SLC66A2: variants seen among roughly 807,000 people sequenced by gnomAD.
SLC66A2 encodes the protein PQ loop repeat containing 1.
In SLC66A2, 23 loss-of-function variants were observed where a neutral mutation model predicts 25.5. The observed-to-expected ratio is 0.90, with a 90% CI of 0.65 to 1.28. The LOEUF is 1.28. Among genes scored for constraint, SLC66A2 ranks in the 50% most tolerant of loss-of-function variants. The probability of loss-of-function intolerance (pLI) is 0.00; values close to 1 mark genes in which losing one functional copy is unlikely to be tolerated. For synonymous variants in SLC66A2, 193 were observed against 166.5 expected, an observed-to-expected ratio of 1.16 and a Z score of -1.23; for missense variants, 396 against 373.1, an observed-to-expected ratio of 1.06 and a Z score of -0.51.
Position 79,950,972 on chromosome 18 carries a change from G to C in SLC66A2, c.-46C>G. The stretch of plus-strand genomic sequence containing the variant: ...GGCTGTCACGGGCTCCGCGCCCCGC[G>C]GGCCACCGGCCGCCTGCTCATCGCC... On this transcript the variant is annotated 5_prime_UTR_variant, in exon 2 of 6. Coordinates refer to ENST00000397778, the MANE Select transcript of SLC66A2 (RefSeq NM_025078.5). 1 of 1,413,774 alleles carries C rather than the reference G, an allele frequency of 7.1e-7. No individual in the cohort carries two copies. Among genetic ancestry groups the C allele is most frequent in the South Asian group, 1.5e-5 (1 of 68,872 alleles). The allele number at this position is 1,413,774 out of a possible 1,614,324, so 87.6% of individuals were successfully genotyped here.
chr18:79,905,356 C>T (rs1356853669), intron 5 of SLC66A2, among the ~76,000 whole-genome samples: 1 of 152,248 alleles, frequency 6.6e-6, no homozygotes, highest in Non-Finnish European at 1.5e-5. Context: ...CCAGTCTCTT[C>T]CACAGACAAA....
At chr18:79,914,054 G>T (rs1031868418) in intron 5 of SLC66A2, among the ~76,000 whole-genome samples, 10 of 152,074 alleles carry the variant, frequency 6.6e-5, no homozygotes, top group Admixed American at 5.9e-4. Context: ...GATTACAGAC[G>T]CCTGCCACAC....
chr18:79,948,532 T>A (rs10853391), intron 2 of SLC66A2, among the ~76,000 whole-genome samples: 19,910 of 152,092 alleles, frequency 0.13, 1,369 homozygotes, highest in East Asian at 0.22. Context: ...GTAGAGACGG[T>A]GTCTTGCTGT....
At chr18:79,936,963 C>A (rs578059711) in intron 3 of SLC66A2, among the ~76,000 whole-genome samples, 1 of 152,146 alleles carries the variant, frequency 6.6e-6, no homozygotes, top group Non-Finnish European at 1.5e-5. Flanking sequence ...CATGAGGATG[C>A]CACATTCCAT....
Position 79,904,556 on chromosome 18 carries a change from C to A in SLC66A2, c.609-373G>T, listed in dbSNP as rs979921781. On this transcript the variant is annotated intron_variant, in intron 5 of 5. Transcript: ENST00000397778. The surrounding 1 kb of genome is among the most constrained non-coding windows in gnomAD (Gnocchi z 6.3). ...CTCGAGGCTACAGGGGACAGCAGGG[C>A]GAGCAGCTGACGTCAGGGCCCCTGG... 6.6e-6 allele frequency among the ~76,000 whole-genome samples: 1 copy of A among 152,134 alleles called. No homozygotes were observed. The highest frequency in any genetic ancestry group is 1.5e-5 in the Non-Finnish European group (1 of 68,002).
chr18:79,917,223 T>C lies in SLC66A2; in HGVS notation c.608+1961A>G, dbSNP rs913841246. ...TCTGGAAACTCGGGTTTGAAGAGGATTCCCACGTCCCCCCAGCTGACGGGG... is the reference window on the plus strand; with the variant it reads ...TCTGGAAACTCGGGTTTGAAGAGGACTCCCACGTCCCCCCAGCTGACGGGG... On this transcript the variant is annotated intron_variant, in intron 5 of 5. Coordinates refer to ENST00000397778, the MANE Select transcript of SLC66A2 (RefSeq NM_025078.5). This position sits in a 1 kb window ranked among gnomAD's most constrained non-coding sequence, Gnocchi z 6.0. 6.6e-6 allele frequency among the ~76,000 whole-genome samples: 1 copy of C among 152,216 alleles called. No individual in the cohort carries two copies. Among genetic ancestry groups the C allele is most frequent in the East Asian group, 1.9e-4 (1 of 5,196 alleles).
chr18:79,912,614 C>G (rs571261006), intron 5 of SLC66A2, among the ~76,000 whole-genome samples: 4 of 151,920 alleles, frequency 2.6e-5, no homozygotes, highest in South Asian at 4.2e-4. Flanking sequence ...GGAGTGGCAG[C>G]GGGGGTGAGG....
chr18:79,943,532 G>T, intron 2 of SLC66A2, 70 bp from the exon 3 acceptor site: 2 of 1,560,680 alleles, frequency 1.3e-6, no homozygotes, highest in East Asian at 4.5e-5. Flanking sequence ...AACCTGCAGC[G>T]GGAGAGACCC....
At chr18:79,905,413 C>G (rs1249153485) in intron 5 of SLC66A2, among the ~76,000 whole-genome samples, 1 of 151,850 alleles carries the variant, frequency 6.6e-6, no homozygotes, top group East Asian at 2.0e-4. Flanking sequence ...TGGTGCAGGC[C>G]CCTCGGCCTC....
chr18:79,951,312 G>C (rs936634748), intron 1 of SLC66A2, among the ~76,000 whole-genome samples: 5 of 151,830 alleles, frequency 3.3e-5, no homozygotes, highest in African/African-American at 1.2e-4. Context: ...GCGCGCCCCG[G>C]GATGGGGTGG....
chr18:79,908,643 G>C (rs1982487061), intron 5 of SLC66A2, among the ~76,000 whole-genome samples: 2 of 152,088 alleles, frequency 1.3e-5, no homozygotes, highest in African/African-American at 2.4e-5. Context: ...TCAGATGACA[G>C]AATATTAGAC....
rs757625428 is a variant in SLC66A2 at position 79,950,796 on chromosome 18, T to C, written c.131A>G (p.Gln44Arg). The C allele has an allele frequency of 1.2e-6, 2 of 1,613,068 alleles. No homozygotes were observed. Among genetic ancestry groups the C allele is most frequent in the East Asian group, 2.2e-5 (1 of 44,894 alleles). Residue 44 changes from glutamine to arginine, a missense_variant, in exon 2 of 6, where the codon CAG (glutamine) becomes CGG (arginine). Physicochemically the swap from Gln to Arg is conservative, Grantham distance 43. Coordinates refer to ENST00000397778, the MANE Select transcript of SLC66A2 (RefSeq NM_025078.5). ...VPQYRDIRRT[Q>R]NADGFSTYVC... Reference sequence around the variant, plus strand: ...GTAGGTGGAGAAGCCGTCGGCGTTCTGCGTCCTGCGAATGTCCCGATACTG... The same window carrying C: ...GTAGGTGGAGAAGCCGTCGGCGTTCCGCGTCCTGCGAATGTCCCGATACTG...
intron 3 of SLC66A2, among the ~76,000 whole-genome samples, chr18:79,935,907 G>A (rs1987037451): frequency 6.6e-6 from 1 of 152,218 alleles, no homozygotes; most frequent in South Asian, 2.1e-4. Context: ...AGCTATTCTT[G>A]CCAAGCTCTG....
Position 79,937,913 on chromosome 18 carries a change from T to C in SLC66A2, c.338-3891A>G, listed in dbSNP as rs571898943. On this transcript the variant is annotated intron_variant, in intron 3 of 5. Transcript: ENST00000397778. This position sits in a 1 kb window ranked among gnomAD's most constrained non-coding sequence, Gnocchi z 5.4. ...TTGTTAAAAATGCAGGTGGCACTGA[T>C]GCCGCAATACAGACCACGGGCAAAG... Among the ~76,000 whole-genome samples, 1 of 152,142 alleles carries C rather than the reference T, an allele frequency of 6.6e-6. No individual in the cohort carries two copies. The highest frequency in any genetic ancestry group is 2.1e-4 in the South Asian group (1 of 4,818).
At chr18:79,938,151 A>G (rs1454545469) in intron 3 of SLC66A2, among the ~76,000 whole-genome samples, 1 of 152,004 alleles carries the variant, frequency 6.6e-6, no homozygotes, top group Non-Finnish European at 1.5e-5. Context: ...GTCTCAAAAA[A>G]AAAAAAAAGA....
rs1172858610 is a variant in SLC66A2 at position 79,918,886 on chromosome 18, T to A, written c.608+298A>T. Among the ~76,000 whole-genome samples the A allele has an allele frequency of 6.6e-6, 1 of 152,214 alleles. No individual in the cohort carries two copies. The highest frequency in any genetic ancestry group is 1.5e-5 in the Non-Finnish European group (1 of 68,030). On this transcript the variant is annotated intron_variant, in intron 5 of 5. Transcript: ENST00000397778. The surrounding 1 kb of genome is among the most constrained non-coding windows in gnomAD (Gnocchi z 4.0). The stretch of plus-strand genomic sequence containing the variant: ...TGCCCTGCACTCCTCCTGCCCCGTC[T>A]GGCCAGGCACTCGGACATCCCTCCC...
Position 79,902,794 on chromosome 18 carries a change from G to C in SLC66A2, c.*1182C>G, listed in dbSNP as rs567581834. ...ACTCTGAGGCCTGGGGGCCGGCTGC[G>C]GTCAGTGCAAGGCTGCTGACATGGT... On this transcript the variant is annotated 3_prime_UTR_variant, in exon 6 of 6. Transcript: ENST00000397778. 1 of 152,370 alleles carries C rather than the reference G, an allele frequency of 6.6e-6. No individual in the cohort carries two copies. The highest frequency in any genetic ancestry group is 2.4e-5 in the African/African-American group (1 of 41,462). 9.4% of individuals were successfully genotyped at this position (152,370 alleles called of 1,614,324 possible).
intron 1 of SLC66A2, among the ~76,000 whole-genome samples, 185 bp downstream of exon 1, chr18:79,951,396 C>T (rs566117893): frequency 4.8e-5 from 6 of 126,082 alleles, no homozygotes; most frequent in African/African-American, 9.2e-5. Context: ...TGGGGGCGCA[C>T]GGCTCGGGGG....
chr18:79,950,593 T>G, intron 2 of SLC66A2, 131 bp downstream of exon 2: 1 of 811,558 alleles, frequency 1.2e-6, no homozygotes. Context: ...ACGTACCCCA[T>G]CCACGGCAGA....
Sources: gnomAD v4.1 joint callset for allele counts (sites outside exome capture counted in the v4.1 genomes callset) on GRCh38, gnomAD v4.1.1 for gene constraint, Gnocchi (gnomAD v3.1) non-coding constraint, MANE v1.5 for transcripts, NCBI Gene and HGNC (gene_info 2026-07-23, HGNC 2026-07-21) for gene names.